Variants in ZNF487 observed in about 807,000 individuals in gnomAD.
ZNF487 encodes the protein zinc finger protein 487.
Under a neutral mutation model 3.0 loss-of-function variants are expected in ZNF487, and 4 were observed. The ratio of observed to expected loss-of-function variants is 1.35; its 90% CI spans 0.66 to 3.08. ZNF487 has a LOEUF of 3.08. Ranked by LOEUF, ZNF487 falls within the 30% of genes most tolerant of loss-of-function variation. ZNF487 has a pLI of 0.01. For missense variants in ZNF487, 146 were observed against 98.7 expected, an observed-to-expected ratio of 1.48 and a Z score of -2.03; for synonymous variants, 55 against 34.6, an observed-to-expected ratio of 1.59 and a Z score of -2.06.
chr10:43,516,600 C>G, the ZNF487 span, among the ~76,000 whole-genome samples: 1 of 152,182 alleles, frequency 6.6e-6, no homozygotes, highest in Admixed American at 6.5e-5. Flanking sequence ...AATTGCAAAA[C>G]TGAAGAGTCT....
rs780484323 is a variant in ZNF487, at chr10:43,475,707, A to G, written c.-93-14A>G. On this transcript the variant is annotated splice_polypyrimidine_tract_variant and intron_variant, in intron 1 of 3. Transcript: ENST00000437590. ...TCTGATCACTGTAGAATGAAAACAA[A>G]TGTACTGTTCTAGGGATCAGTGTCC... 9.0e-6 allele frequency: 7 copies of G among 779,392 alleles called. No homozygotes were observed. The South Asian group carries it at 9.4e-5, about 10-fold the overall frequency. 48.3% of individuals were successfully genotyped at this position (779,392 alleles called of 1,614,324 possible). A position where few individuals can be genotyped will look rare whatever the true frequency, so the allele number is the denominator to read the frequency against.
the ZNF487 span, among the ~76,000 whole-genome samples, chr10:43,520,128 C>T: frequency 6.6e-6 from 1 of 152,122 alleles, no homozygotes; most frequent in African/African-American, 2.4e-5. Context: ...GTATGTTAAT[C>T]TAATATTAGA....
intron 3 of ZNF487, among the ~76,000 whole-genome samples, chr10:43,480,045 TTTTC>T (rs1366022806): frequency 7.2e-4 from 15 of 20,818 alleles, no homozygotes; most frequent in Admixed American, 1.7e-3. Context: ...CTTTCTTTCT[TTTTC>T]TTTCTTTCTT....
chr10:43,498,075 T>TATATATATATATATATATATA, the ZNF487 span, among the ~76,000 whole-genome samples: 2 of 35,020 alleles, frequency 5.7e-5, no homozygotes, highest in African/African-American at 3.1e-4. Flanking sequence ...ATTTGGTATT[T>TATATATATATATATATATATA]TATATATATA....
chr10:43,487,969 G>A (rs988574655), downstream of ZNF487, among the ~76,000 whole-genome samples: 45 of 147,754 alleles, frequency 3.0e-4, no homozygotes, highest in Non-Finnish European at 1.3e-4. Context: ...AGCCGGGCAT[G>A]GTGGCAGGCG....
At chr10:43,514,194 G>A in the ZNF487 span, among the ~76,000 whole-genome samples, 1 of 152,268 alleles carries the variant, frequency 6.6e-6, no homozygotes, top group Admixed American at 6.5e-5. Context: ...AGGCTGGAAT[G>A]CATTGGTGTG....
the ZNF487 span, among the ~76,000 whole-genome samples, chr10:43,495,147 C>T: frequency 6.6e-6 from 1 of 151,174 alleles, no homozygotes; most frequent in South Asian, 2.1e-4. Context: ...CTTTCACCAA[C>T]AAACAGTACT....
chr10:43,515,390 A>T, the ZNF487 span, among the ~76,000 whole-genome samples: 1 of 152,252 alleles, frequency 6.6e-6, no homozygotes, highest in South Asian at 2.1e-4. Flanking sequence ...CTCCTCAGAC[A>T]AAGGTGGAAA....
chr10:43,462,431 C>T (rs920696687), intron 1 of ZNF487, among the ~76,000 whole-genome samples: 12 of 149,142 alleles, frequency 8.0e-5, no homozygotes, highest in African/African-American at 2.2e-4. Context: ...TGTGGAAACC[C>T]GGCATTGAGC....
Position 43,481,915 on chromosome 10 carries a change from C to A in ZNF487, c.617C>A (p.Thr206Asn), listed in dbSNP as rs566349877. The A allele has an allele frequency of 1.3e-4, 86 of 658,018 alleles. No individual in the cohort carries two copies. The South Asian group carries it at 1.4e-3, about 11-fold the overall frequency. The allele number at this position is 658,018 out of a possible 1,614,324, so 40.8% of individuals were successfully genotyped here. The change falls in exon 4 of 4, where the codon ACC becomes AAC. Residue 206 changes from threonine (T) to asparagine (N), a missense_variant. Transcript: ENST00000437590. The part of the protein sequence containing the change: ...STHKRVCSWE[T>N]L ...CATAAGAGAGTGTGCTCATGGGAGACCCTGTGAATATAATGAACATGTGAG... is the reference window on the plus strand; with the variant it reads ...CATAAGAGAGTGTGCTCATGGGAGAACCTGTGAATATAATGAACATGTGAG...
chr10:43,486,994 C>T (rs1390773732), downstream of ZNF487, among the ~76,000 whole-genome samples: 3 of 152,136 alleles, frequency 2.0e-5, no homozygotes, highest in Admixed American at 6.6e-5. Context: ...ATCTCAACAA[C>T]AAACGTGTAA....
intron 3 of ZNF487, 148 bp downstream of exon 3, chr10:43,476,350 G>C (rs1588742037): frequency 1.7e-6 from 1 of 587,990 alleles, no homozygotes; most frequent in Non-Finnish European, 3.0e-6. Context: ...GAGTTGGCCT[G>C]CTTGCCTCAG....
the ZNF487 span, among the ~76,000 whole-genome samples, chr10:43,515,359 C>T: frequency 1.3e-5 from 2 of 152,172 alleles, no homozygotes; most frequent in Non-Finnish European, 2.9e-5. Context: ...TCACCATTGC[C>T]TCAGGCAGCA....
intron 1 of ZNF487, among the ~76,000 whole-genome samples, chr10:43,437,995 A>G (rs1255492078): frequency 1.3e-5 from 2 of 151,694 alleles, no homozygotes; most frequent in African/African-American, 2.4e-5. Flanking sequence ...CCACCGAAAT[A>G]TTTCTTCATT....
intron 1 of ZNF487, among the ~76,000 whole-genome samples, chr10:43,465,508 C>G (rs1309394672): frequency 2.7e-5 from 4 of 148,046 alleles, no homozygotes; most frequent in African/African-American, 1.0e-4. Flanking sequence ...ACCTCCCAGA[C>G]GGGGTCGTGG....
At chr10:43,479,047 T>TTG (rs941459287) in intron 3 of ZNF487, among the ~76,000 whole-genome samples, 10 of 147,044 alleles carry the variant, frequency 6.8e-5, no homozygotes, top group African/African-American at 2.2e-4. Context: ...ATATATATAT[T>TTG]TGTGTGTGTG....
the ZNF487 span, among the ~76,000 whole-genome samples, chr10:43,497,821 G>C: frequency 6.6e-6 from 1 of 151,344 alleles, no homozygotes; most frequent in African/African-American, 2.4e-5. Context: ...CAAAAAATTA[G>C]CTGGGCGTGG....
chr10:43,523,159 C>G, the ZNF487 span: 1 of 152,146 alleles, frequency 6.6e-6, no homozygotes, highest in African/African-American at 2.4e-5. Flanking sequence ...CTGGGCTATC[C>G]TAGAGCATTT....
At chr10:43,447,064 C>T (rs2132047762) in intron 1 of ZNF487, among the ~76,000 whole-genome samples, 1 of 151,978 alleles carries the variant, frequency 6.6e-6, no homozygotes, top group African/African-American at 2.4e-5. Context: ...CAGCGTGCCC[C>T]TACAATCCCA....
Sources: allele counts gnomAD v4.1 joint callset (sites outside exome capture counted in the v4.1 genomes callset), GRCh38; gene constraint gnomAD v4.1.1; transcripts MANE v1.5; gene names NCBI Gene and HGNC (gene_info 2026-07-23, HGNC 2026-07-21).